Variants in CSMD2 observed in about 807,000 individuals in gnomAD.
CSMD2 encodes CUB and sushi domain-containing protein 2.
CSMD2 carries 130 observed loss-of-function variants against 398.5 expected under a neutral mutation model. The observed-to-expected ratio is 0.33, with a 90% CI of 0.28 to 0.38. CSMD2 has a LOEUF of 0.38. Among genes scored for constraint, CSMD2 ranks in the 10% least tolerant of loss-of-function variants. The probability of loss-of-function intolerance (pLI) is 1.00; values close to 1 mark genes in which losing one functional copy is unlikely to be tolerated. For missense variants in CSMD2, 3,829 were observed against 4,764.9 expected, an observed-to-expected ratio of 0.80 and a Z score of 5.78; for synonymous variants, 1,828 against 1,908.5, an observed-to-expected ratio of 0.96 and a Z score of 1.10.
At chr1:34,037,221 G>A (rs1367459788) in intron 2 of CSMD2, among the ~76,000 whole-genome samples, 1 of 152,150 alleles carries the variant, frequency 6.6e-6, no homozygotes, top group Admixed American at 6.5e-5. Flanking sequence ...CAGTCTCCCT[G>A]GATTGGGCTT....
At chr1:33,667,731 G>A (rs554220810) in intron 25 of CSMD2, among the ~76,000 whole-genome samples, 7 of 152,304 alleles carry the variant, frequency 4.6e-5, no homozygotes, top group South Asian at 2.1e-4. Flanking sequence ...TTGATGTTGC[G>A]GAGAGGAGTG....
At chr1:33,810,720 A>T in intron 10 of CSMD2, 23 bp downstream of exon 10, 2 of 1,610,776 alleles carry the variant, frequency 1.2e-6, no homozygotes, top group Non-Finnish European at 1.7e-6. Flanking sequence ...ACAGAACACC[A>T]CCCCGCTCCC....
At chr1:33,879,587 G>T (rs1287071880) in intron 5 of CSMD2, among the ~76,000 whole-genome samples, 2 of 152,178 alleles carry the variant, frequency 1.3e-5, no homozygotes, top group Non-Finnish European at 2.9e-5. Flanking sequence ...GTCCTGATGA[G>T]GGTAGGAGAT....
intron 1 of CSMD2, among the ~76,000 whole-genome samples, chr1:34,100,253 T>C (rs1659819396): frequency 6.6e-6 from 1 of 152,160 alleles, no homozygotes; most frequent in African/African-American, 2.4e-5. Flanking sequence ...TAAAAAAATA[T>C]ATATGCAGTC....
chr1:34,139,607 T>C (rs978333346), intron 1 of CSMD2, among the ~76,000 whole-genome samples: 1 of 152,220 alleles, frequency 6.6e-6, no homozygotes, highest in African/African-American at 2.4e-5. Context: ...GTCACAAACA[T>C]AAACTGACAT....
chr1:33,804,345 C>A (rs1253726219), intron 10 of CSMD2, among the ~76,000 whole-genome samples: 4 of 152,234 alleles, frequency 2.6e-5, no homozygotes, highest in Admixed American at 1.3e-4. Context: ...TGTTGAATTA[C>A]TTCCAGTTCT....
intron 3 of CSMD2, among the ~76,000 whole-genome samples, chr1:33,948,154 G>A (rs1644895638): frequency 6.6e-6 from 1 of 152,188 alleles, no homozygotes; most frequent in African/African-American, 2.4e-5. Context: ...AGGAACAGTA[G>A]GAAAGGAGAG....
At chr1:33,572,404 T>TTC in intron 50 of CSMD2, 102 bp downstream of exon 50, 1 of 1,033,788 alleles carries the variant, frequency 9.7e-7, no homozygotes. Flanking sequence ...TTTTTTTTTT[T>TTC]TTCCCCCTCA....
intron 2 of CSMD2, among the ~76,000 whole-genome samples, chr1:34,062,079 G>C (rs753511349): frequency 1.1e-4 from 17 of 152,178 alleles, no homozygotes; most frequent in Non-Finnish European, 1.9e-4. Flanking sequence ...CCCTCTGATG[G>C]GGAGTCCAGC....
At chr1:34,104,788 C>T (rs893134118) in intron 1 of CSMD2, among the ~76,000 whole-genome samples, 1 of 152,172 alleles carries the variant, frequency 6.6e-6, no homozygotes, top group Non-Finnish European at 1.5e-5. Flanking sequence ...GTATCTTTGG[C>T]TCTCTACAAT....
In CSMD2 at chr1:33,636,435, C is replaced by T; in HGVS notation, c.4894G>A (p.Gly1632Ser). 1 of 1,614,136 alleles carries T rather than the reference C, an allele frequency of 6.2e-7. No individual in the cohort carries two copies. The highest frequency in any genetic ancestry group is 8.5e-7 in the Non-Finnish European group (1 of 1,180,004). ...YYCHGGYEVE[G>S]TSTLSCILGP... ...AGGATGCAGCTCAGGGTCGAGGTGC[C>T]CTCAACTTCGTAGCCCCCGTGGCAG... Residue 1632 changes from glycine to serine, a missense_variant, in exon 30 of 71, where the codon GGC becomes AGC. Gly to Ser is a moderately conservative substitution (Grantham distance 56). Around this residue, in one of 5 missense-constraint regions of CSMD2, gnomAD observed 2,001 missense variants for 2,567.1 expected, o/e 0.78. Transcript: ENST00000373381. The surrounding 1 kb of genome is among the most constrained non-coding windows in gnomAD (Gnocchi z 4.8).
intron 57 of CSMD2, among the ~76,000 whole-genome samples, chr1:33,545,541 G>A (rs886668833): frequency 6.6e-6 from 1 of 152,180 alleles, no homozygotes; most frequent in Admixed American, 6.5e-5. Flanking sequence ...ATGGCACAAG[G>A]GAAAGGGAGC....
rs1382018729 is a variant in CSMD2, at chr1:33,864,731, GAA to G, written c.921-17737_921-17736del. The G allele has an allele frequency of 3.7e-6, 6 of 1,610,740 alleles. No individual in the cohort carries two copies. The African/African-American group carries it at 8.0e-5, about 22-fold the overall frequency. ...TGTCAGCTAGAAACCGGTGCAGAGG[GAA>G]AAGAGTCAGGCAGAGCTGATGGATC... On this transcript the variant is annotated intron_variant, in intron 5 of 70. Coordinates refer to ENST00000373381, the MANE Select transcript of CSMD2 (RefSeq NM_001281956.2).
intron 6 of CSMD2, among the ~76,000 whole-genome samples, chr1:33,840,342 G>T (rs1660725693): frequency 6.6e-6 from 1 of 152,162 alleles, no homozygotes; most frequent in Non-Finnish European, 1.5e-5. Flanking sequence ...CCCCTTCTCT[G>T]CCTGGCTACC....
At chr1:34,150,573 GGGA>G (rs1457871296) in intron 1 of CSMD2, among the ~76,000 whole-genome samples, 1 of 152,118 alleles carries the variant, frequency 6.6e-6, no homozygotes, top group African/African-American at 2.4e-5. Context: ...TAAGGGGTAA[GGGA>G]GGAATGAGCA....
At chr1:33,957,130 T>C (rs1645195885) in intron 3 of CSMD2, among the ~76,000 whole-genome samples, 1 of 152,000 alleles carries the variant, frequency 6.6e-6, no homozygotes, top group South Asian at 2.1e-4. Flanking sequence ...GGCTGTCTTA[T>C]TTCAAGTCTT....
Position 33,739,062 on chromosome 1 carries a change from A to G in CSMD2, c.2368+78T>C. On this transcript the variant is annotated intron_variant, in intron 15 of 70. Coordinates refer to ENST00000373381, the MANE Select transcript of CSMD2 (RefSeq NM_001281956.2). ...AGGACCAACGCAGAAAGGAACCACC[A>G]TGGCCTGGGCTGCTTGCTCCCCCTC... The G allele has an allele frequency of 3.5e-6, 5 of 1,417,198 alleles. No homozygotes were observed. The South Asian group carries it at 5.2e-5, about 15-fold the overall frequency. 87.8% of individuals were successfully genotyped at this position (1,417,198 alleles called of 1,614,324 possible). A position where few individuals can be genotyped will look rare whatever the true frequency, so the allele number is the denominator to read the frequency against.
intron 3 of CSMD2, among the ~76,000 whole-genome samples, chr1:33,985,226 T>C (rs1027524687): frequency 6.6e-6 from 1 of 152,166 alleles, no homozygotes; most frequent in African/African-American, 2.4e-5. Context: ...ACTCAGGACT[T>C]AGCCTTCCTT....
At chr1:34,009,450 T>C (rs1647173072) in intron 3 of CSMD2, among the ~76,000 whole-genome samples, 1 of 151,958 alleles carries the variant, frequency 6.6e-6, no homozygotes, top group African/African-American at 2.4e-5. Context: ...CCCTGATCTT[T>C]CTGGGCCTTT....
Sources: gnomAD v4.1 joint callset for allele counts (sites outside exome capture counted in the v4.1 genomes callset) on GRCh38, gnomAD v4.1.1 for gene constraint, gnomAD v4.1.1 regional missense constraint, Gnocchi (gnomAD v3.1) non-coding constraint, MANE v1.5 for transcripts, NCBI Gene and HGNC (gene_info 2026-07-23, HGNC 2026-07-21) for gene names.